The following MED12L variants were observed in gnomAD, a reference collection of about 807,000 sequenced individuals.
MED12L encodes mediator complex subunit 12L.
Under a neutral mutation model 281.3 loss-of-function variants are expected in MED12L, and 60 were observed. That is an observed-to-expected ratio of 0.21 (90% CI 0.17 to 0.26). The LOEUF (loss-of-function observed/expected upper bound fraction) is 0.26, where lower values mean the gene tolerates loss of function less well. MED12L is among the 10% of genes least tolerant of loss of function. The pLI is 1.00. For synonymous variants in MED12L, 974 were observed against 987.2 expected, an observed-to-expected ratio of 0.99 and a Z score of 0.25; for missense variants, 2,146 against 2,680.9, an observed-to-expected ratio of 0.80 and a Z score of 4.41.
chr3:151,193,444 G>T (rs1056707538), intron 15 of MED12L, 46 bp from the exon 16 acceptor site: 2 of 1,538,264 alleles, frequency 1.3e-6, no homozygotes, highest in East Asian at 2.3e-5. Flanking sequence ...GTTTGGTTTT[G>T]CTGGCTTTCA....
intron 16 of MED12L, chr3:151,199,192 C>G (rs772000549): frequency 5.0e-6 from 8 of 1,613,930 alleles, no homozygotes; most frequent in African/African-American, 2.7e-5. Flanking sequence ...CTGGTAATGC[C>G]AGAGTAAGCA....
chr3:151,364,833 A>T lies in MED12L; in HGVS notation c.2958-146A>T, dbSNP rs1024630319. ...AGTACTTTGATTAGCGCCAATTAGT[A>T]AGAAGTTCTAATTAAGAACTCATAA... is the stretch of plus-strand genomic sequence containing the variant. On this transcript the variant is annotated intron_variant, in intron 21 of 44. Transcript: ENST00000687756. The T allele has an allele frequency of 1.8e-5, 11 of 615,406 alleles. No homozygotes were observed. The African/African-American group carries it at 1.8e-4, about 10-fold the overall frequency. 38.1% of individuals were successfully genotyped at this position (615,406 alleles called of 1,614,324 possible).
intron 16 of MED12L, chr3:151,214,135 T>C (rs1727712098): frequency 6.2e-7 from 1 of 1,613,990 alleles, no homozygotes; most frequent in Non-Finnish European, 8.5e-7. Context: ...AACAATGTTC[T>C]TGAGATAGAT....
In MED12L at chr3:151,329,605, AT is replaced by A. The variant is rs1443646747; in HGVS notation, c.2251-20453del. On this transcript the variant is annotated intron_variant, in intron 16 of 44. Coordinates refer to ENST00000687756, the MANE Select transcript of MED12L (RefSeq NM_001393769.1). ...TGGATTTCCTTCCTTATTTTTACTT[AT>A]GTAATGTGACCCATTAGAACCTCTT... 5 of 1,047,190 alleles carry A rather than the reference AT, an allele frequency of 4.8e-6. No homozygotes were observed. In the African/African-American group the frequency reaches 8.0e-5, roughly 17 times the overall value. The allele number at this position is 1,047,190 out of a possible 1,614,324, so 64.9% of individuals were successfully genotyped here.
At chr3:151,140,056 A>G (rs1236368623) in intron 5 of MED12L, among the ~76,000 whole-genome samples, 1 of 152,248 alleles carries the variant, frequency 6.6e-6, no homozygotes, top group East Asian at 1.9e-4. Context: ...CATCTTACCC[A>G]GTAGCATTAC....
At chr3:151,192,792 A>G (rs1724160237) in intron 15 of MED12L, 138 bp downstream of exon 15, 1 of 677,350 alleles carries the variant, frequency 1.5e-6, no homozygotes, top group African/African-American at 1.8e-5. Context: ...CTTTGGTACA[A>G]TTATCATCTG....
intron 2 of MED12L, among the ~76,000 whole-genome samples, chr3:151,088,422 A>C (rs1335471245): frequency 6.6e-6 from 1 of 152,208 alleles, no homozygotes; most frequent in Admixed American, 6.5e-5. Context: ...CTGAGGATCA[A>C]GTGTACAGTT....
intron 16 of MED12L, chr3:151,241,694 ATTTT>A (rs149424608): frequency 6.6e-6 from 1 of 151,960 alleles, no homozygotes; most frequent in African/African-American, 2.4e-5. Flanking sequence ...CACATACATA[ATTTT>A]TTTTCATTTT....
chr3:151,422,473 G>T (rs778623755), intron 43 of MED12L, among the ~76,000 whole-genome samples: 32 of 152,158 alleles, frequency 2.1e-4, no homozygotes, highest in Admixed American at 7.2e-4. Context: ...GCAGCACCCT[G>T]AGCTTTGCCT....
intron 11 of MED12L, among the ~76,000 whole-genome samples, chr3:151,177,653 C>CT (rs199986322): frequency 0.015 from 2,214 of 145,400 alleles, 33 homozygotes; most frequent in Admixed American, 0.04. Context: ...CCATGCCTGG[C>CT]TTTTTTTTTT....
intron 16 of MED12L, among the ~76,000 whole-genome samples, chr3:151,293,430 A>C (rs996784736): frequency 3.9e-5 from 6 of 152,182 alleles, no homozygotes; most frequent in Non-Finnish European, 8.8e-5. Context: ...AATGAAAGGT[A>C]GTATCACAGG....
chr3:151,095,709 C>G (rs1720622499), intron 2 of MED12L, among the ~76,000 whole-genome samples: 1 of 152,140 alleles, frequency 6.6e-6, no homozygotes, highest in African/African-American at 2.4e-5. Context: ...TTTTCCCTTG[C>G]CTGCTTCTCA....
intron 11 of MED12L, among the ~76,000 whole-genome samples, chr3:151,176,692 G>A (rs1429789842): frequency 2.0e-5 from 3 of 152,150 alleles, no homozygotes; most frequent in Non-Finnish European, 4.4e-5. Flanking sequence ...TATCCTTTCA[G>A]ATATTTATTC....
intron 16 of MED12L, among the ~76,000 whole-genome samples, chr3:151,237,153 C>T (rs1383734163): frequency 2.0e-5 from 3 of 150,674 alleles, no homozygotes; most frequent in Admixed American, 1.3e-4. Context: ...GCGATTCTGC[C>T]TCAGCCTCCA....
chr3:151,108,544 T>C (rs1711496854), intron 2 of MED12L, among the ~76,000 whole-genome samples: 2 of 152,180 alleles, frequency 1.3e-5, no homozygotes, highest in Admixed American at 1.3e-4. Context: ...GAAATATAGC[T>C]ATAAAACCAT....
intron 30 of MED12L, among the ~76,000 whole-genome samples, chr3:151,377,386 A>C (rs1298833956): frequency 6.6e-6 from 1 of 152,228 alleles, no homozygotes; most frequent in Non-Finnish European, 1.5e-5. Flanking sequence ...AAACACCTTG[A>C]AACTGCAGGT....
At chr3:151,387,621 C>CT (rs1191320058) in intron 36 of MED12L, among the ~76,000 whole-genome samples, 189 bp from the exon 37 acceptor site, 1 of 152,128 alleles carries the variant, frequency 6.6e-6, no homozygotes, top group Non-Finnish European at 1.5e-5. Flanking sequence ...TAGAACCGGG[C>CT]TTACAAAGGT....
rs939889566 is a variant in MED12L, at chr3:151,360,699, C to T, written c.2957+94C>T. On this transcript the variant is annotated intron_variant, in intron 21 of 44. Transcript: ENST00000687756. ...TTGTCATCCTTTTGAATAATGAAAGCTAATTGCAATTGTATCTATTAGGCA... is the reference window on the plus strand; with the variant it reads ...TTGTCATCCTTTTGAATAATGAAAGTTAATTGCAATTGTATCTATTAGGCA... 7.5e-6 allele frequency: 9 copies of T among 1,194,988 alleles called. No individual in the cohort carries two copies. In the Admixed American group the frequency reaches 2.1e-4, roughly 28 times the overall value. The allele number at this position is 1,194,988 out of a possible 1,614,324, so 74.0% of individuals were successfully genotyped here. A position where few individuals can be genotyped will look rare whatever the true frequency, so the allele number is the denominator to read the frequency against.
intron 16 of MED12L, among the ~76,000 whole-genome samples, chr3:151,264,766 CGTGTGTGTGTAT>C (rs1201368701): frequency 2.0e-5 from 3 of 151,988 alleles, no homozygotes; most frequent in Admixed American, 6.6e-5. Context: ...CCACCCAGTG[CGTGTGTGTGTAT>C]GTGTGTGTGT....
Sources: allele counts gnomAD v4.1 joint callset (sites outside exome capture counted in the v4.1 genomes callset), GRCh38; gene constraint gnomAD v4.1.1; transcripts MANE v1.5; gene names NCBI Gene and HGNC (gene_info 2026-07-23, HGNC 2026-07-21).